TRHDE: variants seen among roughly 807,000 people sequenced by gnomAD.
TRHDE encodes thyrotropin-releasing hormone-degrading ectoenzyme.
TRHDE carries 72 observed loss-of-function variants against 125.7 expected under a neutral mutation model. The observed-to-expected ratio is 0.57, with a 90% confidence interval of 0.47 to 0.70. The LOEUF (loss-of-function observed/expected upper bound fraction) is 0.70. TRHDE is among the 30% of genes least tolerant of loss of function. TRHDE has a pLI of 0.00. For missense variants in TRHDE, 1,110 were observed against 1,327.1 expected (o/e 0.84, Z 2.54); for synonymous variants, 509 against 509.1 (o/e 1.00, Z 0.00).
intron 16 of TRHDE, among the ~76,000 whole-genome samples, chr12:72,652,733 TTAATA>T (rs1874554947): frequency 6.6e-6 from 1 of 151,654 alleles, no homozygotes; most frequent in Admixed American, 6.6e-5. Context: ...ATAAAAGTGT[TTAATA>T]TAAAGAATTT....
At chr12:72,242,647 T>G (rs1311632946) in intron 2 of TRHDE, among the ~76,000 whole-genome samples, 1 of 152,146 alleles carries the variant, frequency 6.6e-6, no homozygotes, top group Non-Finnish European at 1.5e-5. Flanking sequence ...CATCTGGCTT[T>G]TGGGTTGCCT....
rs954699699 is a variant in TRHDE at position 72,171,786 on chromosome 12, C to T, written n.279+66034C>T. Reference sequence around the variant, plus strand: ...TGCTATGGCCTATGTTTCCCAAGAGCTCTCCTACTGATTGTCCTATCATTA... The same window carrying T: ...TGCTATGGCCTATGTTTCCCAAGAGTTCTCCTACTGATTGTCCTATCATTA... On this transcript the variant is annotated intron_variant and non_coding_transcript_variant, in intron 2 of 4. Transcript: ENST00000548156. Among the ~76,000 whole-genome samples the T allele has an allele frequency of 4.1e-4, 62 of 152,292 alleles. 1 individual carries two copies. Among genetic ancestry groups the T allele is most frequent in the African/African-American group, 1.3e-3 (53 of 41,568 alleles).
chr12:72,545,950 AT>A lies in TRHDE; in HGVS notation c.1788+3597del, dbSNP rs1869394108. Among the ~76,000 whole-genome samples, 4 of 151,704 alleles carry A rather than the reference AT, an allele frequency of 2.6e-5. No individual in the cohort carries two copies. The South Asian group carries it at 6.2e-4, about 24-fold the overall frequency. ...AACCAATTCTATTTATTGGTTTTGC[AT>A]TTAGGTATATTGGAGTTGGTTTTGA... is the stretch of plus-strand genomic sequence containing the variant. On this transcript the variant is annotated intron_variant, in intron 7 of 18. Transcript: ENST00000261180.
chr12:72,114,225 T>G (rs1163151454), intron 2 of TRHDE, among the ~76,000 whole-genome samples: 1 of 103,480 alleles, frequency 9.7e-6, no homozygotes, highest in African/African-American at 3.4e-5. Context: ...TCTAAATATT[T>G]CACGGGCACC....
chr12:72,110,854 T>A (rs1406898085), intron 2 of TRHDE, among the ~76,000 whole-genome samples: 2 of 152,118 alleles, frequency 1.3e-5, no homozygotes, highest in African/African-American at 4.8e-5. Flanking sequence ...AGTAAAGATT[T>A]GTGTTATTGT....
Position 72,308,887 on chromosome 12 carries a change from G to C in TRHDE, c.1188+21933G>C, listed in dbSNP as rs181399804. ...AACTCCCATCTCAATTTAGTGCCTA[G>C]TTGCATAATTTATCTGACTTCACCT... On this transcript the variant is annotated intron_variant, in intron 2 of 18. Coordinates refer to ENST00000261180, the MANE Select transcript of TRHDE (RefSeq NM_013381.3). Among the ~76,000 whole-genome samples, 284 of 152,078 alleles carry C rather than the reference G, an allele frequency of 1.9e-3. No homozygotes were observed. The Middle Eastern group carries it at 0.021, about 11-fold the overall frequency.
chr12:72,300,414 C>G (rs950976034), intron 2 of TRHDE, among the ~76,000 whole-genome samples: 4 of 150,908 alleles, frequency 2.7e-5, no homozygotes, highest in Admixed American at 2.6e-4. Context: ...CTGGGCAGCT[C>G]ACAGAGATAT....
chr12:72,597,192 C>A (rs538980044), intron 12 of TRHDE, among the ~76,000 whole-genome samples: 4 of 152,118 alleles, frequency 2.6e-5, no homozygotes, highest in Non-Finnish European at 5.9e-5. Context: ...ACTGCTATGC[C>A]GGAACTCACT....
intron 15 of TRHDE, among the ~76,000 whole-genome samples, chr12:72,624,720 G>T (rs1038368516): frequency 8.6e-5 from 13 of 151,936 alleles, no homozygotes; most frequent in African/African-American, 3.1e-4. Flanking sequence ...GCTACAGTGT[G>T]TTGAATTGCA....
chr12:72,351,468 C>T (rs529371063), intron 2 of TRHDE, among the ~76,000 whole-genome samples: 14 of 152,016 alleles, frequency 9.2e-5, no homozygotes, highest in African/African-American at 3.4e-4. Context: ...AACTGGCAGC[C>T]ATAATAGAGA....
chr12:72,618,767 T>G (rs1171366280), intron 12 of TRHDE, 124 bp from the exon 13 acceptor site: 1 of 731,722 alleles, frequency 1.4e-6, no homozygotes, highest in Non-Finnish European at 2.1e-6. Flanking sequence ...AGTAATTTTA[T>G]TCTTATAACA....
rs60773699 is a variant in TRHDE, at chr12:72,419,108, T to G, written c.1315+40987T>G. On this transcript the variant is annotated intron_variant, in intron 3 of 18. Transcript: ENST00000261180. ...AAAAAGCAGCTTTGCCATCCAAGAG[T>G]TAATGAGGGTGGAGCTATTTAAACA... 1.6e-4 allele frequency among the ~76,000 whole-genome samples: 24 copies of G among 151,998 alleles called. No homozygotes were observed. In the East Asian group the frequency reaches 4.1e-3, roughly 26 times the overall value.
intron 8 of TRHDE, 38 bp downstream of exon 8, chr12:72,562,268 T>A (rs771266827): frequency 2.8e-6 from 3 of 1,062,722 alleles, no homozygotes; most frequent in Non-Finnish European, 4.2e-6. Context: ...AACCTCTACT[T>A]GAATATTTGA....
chr12:72,200,515 G>A (rs913798208), intron 2 of TRHDE, among the ~76,000 whole-genome samples: 1 of 152,082 alleles, frequency 6.6e-6, no homozygotes, highest in African/African-American at 2.4e-5. Flanking sequence ...ATATTATTAT[G>A]AAGTCAGAAA....
intron 2 of TRHDE, among the ~76,000 whole-genome samples, chr12:72,327,531 C>T (rs1869395642): frequency 6.6e-6 from 1 of 152,068 alleles, no homozygotes; most frequent in Non-Finnish European, 1.5e-5. Flanking sequence ...ACCAAACTGA[C>T]CGTAGAGATT....
At chr12:72,320,846 G>A (rs1014553301) in intron 2 of TRHDE, among the ~76,000 whole-genome samples, 1 of 152,074 alleles carries the variant, frequency 6.6e-6, no homozygotes, top group Admixed American at 6.6e-5. Context: ...TTTAAGCATT[G>A]CGAGTTTTGC....
At chr12:72,451,508 T>C (rs542553035) in intron 3 of TRHDE, among the ~76,000 whole-genome samples, 2 of 152,226 alleles carry the variant, frequency 1.3e-5, no homozygotes, top group Non-Finnish European at 1.5e-5. Flanking sequence ...GCCAGCACTT[T>C]GGTGTTTTTA....
At chr12:72,512,092 A>G (rs1340324938) in intron 6 of TRHDE, among the ~76,000 whole-genome samples, 1 of 151,962 alleles carries the variant, frequency 6.6e-6, no homozygotes, top group African/African-American at 2.4e-5. Context: ...TTTTGACTCT[A>G]TTCTTCTGCT....
chr12:72,604,764 T>A (rs1464552965), intron 12 of TRHDE, among the ~76,000 whole-genome samples: 1 of 152,074 alleles, frequency 6.6e-6, no homozygotes, highest in Non-Finnish European at 1.5e-5. Context: ...CTTTAGAAAA[T>A]TACTTCTTAC....
Sources: allele counts gnomAD v4.1 joint callset (sites outside exome capture counted in the v4.1 genomes callset), GRCh38; gene constraint gnomAD v4.1.1; transcripts MANE v1.5; gene names NCBI Gene and HGNC (gene_info 2026-07-23, HGNC 2026-07-21).